Variants in PDE4D observed in about 807,000 individuals in gnomAD.
PDE4D encodes the protein 3',5'-cyclic-AMP phosphodiesterase 4D.
Under a neutral mutation model 87.4 loss-of-function variants are expected in PDE4D, and 24 were observed. The ratio of observed to expected loss-of-function variants is 0.27; its 90% confidence interval spans 0.20 to 0.39. The LOEUF is 0.39. Ranked by LOEUF, PDE4D falls within the 10% of genes least tolerant of loss-of-function variation. The pLI, the probability that PDE4D is intolerant of heterozygous loss-of-function variation, is 1.00. For synonymous variants in PDE4D, 384 were observed against 383.2 expected (o/e 1.00, Z -0.02); for missense variants, 714 against 1,041.0 (o/e 0.69, Z 4.32).
intron 5 of PDE4D, among the ~76,000 whole-genome samples, chr5:59,177,930 G>C (rs1297709769): frequency 6.6e-6 from 1 of 152,050 alleles, no homozygotes; most frequent in Non-Finnish European, 1.5e-5. Flanking sequence ...TCTTAAGGGT[G>C]CCTCACTGAC....
At chr5:60,283,997 CGCAGAATCATCCACACTAGGTA>C (rs1200756942) in intron 1 of PDE4D, among the ~76,000 whole-genome samples, 16 of 151,884 alleles carry the variant, frequency 1.1e-4, no homozygotes, top group Non-Finnish European at 2.2e-4. Flanking sequence ...CATTAAAATA[CGCAGAATCATCCACACTAGGTA>C]GCACAGTGAA....
At chr5:59,342,420 T>C (rs376914140) in intron 1 of PDE4D, among the ~76,000 whole-genome samples, 148 of 152,294 alleles carry the variant, frequency 9.7e-4, no homozygotes, top group African/African-American at 3.3e-3. Flanking sequence ...CTAGTGGCTC[T>C]TGAGAGAAGA....
intron 2 of PDE4D, among the ~76,000 whole-genome samples, chr5:60,015,918 TA>T (rs1765464530): frequency 6.6e-6 from 1 of 151,506 alleles, no homozygotes; most frequent in Non-Finnish European, 1.5e-5. Flanking sequence ...GACAGAGTCT[TA>T]CTCAGTCACC....
At chr5:59,129,183 G>T (rs1412438170) in intron 5 of PDE4D, among the ~76,000 whole-genome samples, 1 of 152,190 alleles carries the variant, frequency 6.6e-6, no homozygotes, top group Non-Finnish European at 1.5e-5. Context: ...TTTGTTTTCA[G>T]TGAGTTTCAC....
intron 6 of PDE4D, among the ~76,000 whole-genome samples, chr5:59,020,853 C>CA (rs1755029415): frequency 6.6e-6 from 1 of 152,182 alleles, no homozygotes; most frequent in Non-Finnish European, 1.5e-5. Context: ...TGGCTAGCGT[C>CA]AGACTCATGA....
At chr5:59,501,125 A>G (rs757389805) in intron 1 of PDE4D, among the ~76,000 whole-genome samples, 3 of 152,184 alleles carry the variant, frequency 2.0e-5, no homozygotes, top group South Asian at 2.1e-4. Context: ...ACAAAATTAT[A>G]TCTTTGAATA....
chr5:59,829,614 G>T (rs917256666), intron 1 of PDE4D, among the ~76,000 whole-genome samples: 2 of 151,958 alleles, frequency 1.3e-5, no homozygotes, highest in African/African-American at 4.8e-5. Flanking sequence ...TCATTCTAAT[G>T]CACATTCCAT....
chr5:59,358,509 T>C (rs766974909), intron 1 of PDE4D, among the ~76,000 whole-genome samples: 1 of 152,198 alleles, frequency 6.6e-6, no homozygotes, highest in Non-Finnish European at 1.5e-5. Context: ...GTGTATGAAA[T>C]GCCACCATTA....
chr5:59,133,754 G>C (rs1014317), intron 5 of PDE4D, among the ~76,000 whole-genome samples: 83,499 of 151,858 alleles, frequency 0.55, 23,820 homozygotes, highest in African/African-American at 0.66. Context: ...CGGGCTTAGC[G>C]TGGGCAATGG....
Position 60,254,587 on chromosome 5 carries a change from T to C in PDE4D, c.-89-68900A>G, listed in dbSNP as rs1748842445. Among the ~76,000 whole-genome samples the C allele has an allele frequency of 2.0e-5, 3 of 151,980 alleles. No individual in the cohort carries two copies. In the South Asian group the frequency reaches 6.2e-4, roughly 32 times the overall value. The stretch of plus-strand genomic sequence containing the variant: ...GTCCCTTCATATAATCCTGTAGCCA[T>C]AACTTGATTGAGTTTCAAAATCATC... On this transcript the variant is annotated intron_variant, in intron 1 of 16. Transcript: ENST00000502484.
chr5:59,885,894 C>T (rs1284145652), intron 1 of PDE4D, among the ~76,000 whole-genome samples: 1 of 152,152 alleles, frequency 6.6e-6, no homozygotes. Context: ...GATCACTAGA[C>T]CTTTTTGGCT....
intron 3 of PDE4D, among the ~76,000 whole-genome samples, chr5:59,967,264 GA>G: frequency 6.6e-6 from 1 of 152,132 alleles, no homozygotes; most frequent in East Asian, 1.9e-4. Context: ...TTAAAGATTA[GA>G]TGCCAAGATG....
chr5:59,668,803 GAAAGAA>G (rs1388792979), intron 1 of PDE4D, among the ~76,000 whole-genome samples: 22 of 112,880 alleles, frequency 1.9e-4, no homozygotes, highest in Admixed American at 5.6e-4. Flanking sequence ...AGAAGAAGAA[GAAAGAA>G]GAAGAAGAAG....
chr5:59,404,203 C>T (rs1238042586), intron 1 of PDE4D, among the ~76,000 whole-genome samples: 3 of 152,086 alleles, frequency 2.0e-5, no homozygotes, highest in Non-Finnish European at 2.9e-5. Flanking sequence ...GGATATTAAT[C>T]CCTTGTCAGA....
intron 2 of PDE4D, among the ~76,000 whole-genome samples, chr5:60,157,829 A>C (rs541100089): frequency 6.6e-6 from 1 of 152,242 alleles, no homozygotes; most frequent in African/African-American, 2.4e-5. Flanking sequence ...TTTAAATACA[A>C]ACAGAAAATG....
At position 59,062,903 on chromosome 5, in the gene PDE4D, C is replaced by CT. The variant is rs572636841; in HGVS notation, c.809-23933dup. On this transcript the variant is annotated intron_variant, in intron 5 of 14. Coordinates refer to ENST00000340635, the MANE Select transcript of PDE4D (RefSeq NM_001104631.2). The stretch of plus-strand genomic sequence containing the variant: ...GCTCACATAAGTGACACTTACTATA[C>CT]TTTTTTGCCTATGTAATGAGTGTTG... 1.5e-3 allele frequency among the ~76,000 whole-genome samples: 222 copies of CT among 151,626 alleles called. 3 individuals carry two copies. Among genetic ancestry groups the CT allele is most frequent in the African/African-American group, 5.1e-3 (210 of 41,392 alleles).
chr5:59,657,815 TC>T (rs1377282249), intron 1 of PDE4D, among the ~76,000 whole-genome samples: 1 of 152,162 alleles, frequency 6.6e-6, no homozygotes, highest in Non-Finnish European at 1.5e-5. Flanking sequence ...GCTAATACAT[TC>T]CGCATGTTAT....
At chr5:59,755,850 T>G (rs1237575431) in intron 1 of PDE4D, among the ~76,000 whole-genome samples, 1 of 150,226 alleles carries the variant, frequency 6.7e-6, no homozygotes, top group East Asian at 1.9e-4. Flanking sequence ...AAATTAGCCA[T>G]GTATGAAAAA....
At chr5:59,056,171 A>T (rs1199734335) in intron 5 of PDE4D, among the ~76,000 whole-genome samples, 1 of 152,114 alleles carries the variant, frequency 6.6e-6, no homozygotes, top group Admixed American at 6.5e-5. Context: ...CCACAGAAGG[A>T]GTGGATCTGG....
Sources: gnomAD v4.1 joint callset for allele counts (sites outside exome capture counted in the v4.1 genomes callset) on GRCh38, gnomAD v4.1.1 for gene constraint, MANE v1.5 for transcripts, NCBI Gene and HGNC (gene_info 2026-07-23, HGNC 2026-07-21) for gene names.